The following G3BP2 variants were observed in gnomAD, a reference collection of about 807,000 sequenced individuals.
G3BP2 encodes the protein ras GTPase-activating protein-binding protein 2.
G3BP2 carries 11 observed loss-of-function variants against 56.7 expected under a neutral mutation model. The observed-to-expected ratio is 0.19, with a 90% CI of 0.12 to 0.32. The LOEUF (loss-of-function observed/expected upper bound fraction) is 0.32. G3BP2 is among the 10% of genes least tolerant of loss of function. The probability of loss-of-function intolerance (pLI) is 1.00; values close to 1 mark genes in which losing one functional copy is unlikely to be tolerated. For synonymous variants in G3BP2, 165 were observed against 191.6 expected, an observed-to-expected ratio of 0.86 and a Z score of 1.15; for missense variants, 340 against 610.9, an observed-to-expected ratio of 0.56 and a Z score of 4.67.
At chr4:75,694,797 C>T in intron 3 of G3BP2, 1 of 985,704 alleles carries the variant, frequency 1.0e-6, no homozygotes, top group Non-Finnish European at 1.2e-6. Flanking sequence ...TTATACCTTA[C>T]CAAGTTCCAG....
chr4:75,709,029 G>A (rs971999692), intron 3 of G3BP2, among the ~76,000 whole-genome samples: 1 of 152,064 alleles, frequency 6.6e-6, no homozygotes, highest in Non-Finnish European at 1.5e-5. Context: ...AGAATAACCT[G>A]AGTCCAGGAG....
upstream of G3BP2, among the ~76,000 whole-genome samples, chr4:75,674,719 T>TATA (rs57822618): frequency 0.012 from 631 of 50,714 alleles, 7 homozygotes; most frequent in East Asian, 0.042. Flanking sequence ...TATATATATA[T>TATA]TTTTTTTTTT....
intron 3 of G3BP2, among the ~76,000 whole-genome samples, chr4:75,679,143 C>A (rs1464673368): frequency 1.3e-5 from 2 of 152,206 alleles, no homozygotes; most frequent in Admixed American, 1.3e-4. Flanking sequence ...CTGACTCATG[C>A]CACTACACCA....
chr4:75,663,704 A>T (rs1425848322), intron 1 of G3BP2, among the ~76,000 whole-genome samples: 1 of 151,656 alleles, frequency 6.6e-6, no homozygotes, highest in South Asian at 2.1e-4. Context: ...TACTAAAAAT[A>T]AAAAAATTAG....
At chr4:75,706,170 T>C (rs1719536525) in intron 3 of G3BP2, among the ~76,000 whole-genome samples, 1 of 152,188 alleles carries the variant, frequency 6.6e-6, no homozygotes, top group South Asian at 2.1e-4. Context: ...TTGGAAACTC[T>C]ACTAAGATCC....
intron 9 of G3BP2, among the ~76,000 whole-genome samples, chr4:75,648,137 C>T (rs552466369): frequency 6.6e-6 from 1 of 152,148 alleles, no homozygotes; most frequent in African/African-American, 2.4e-5. Context: ...ATCATGAGGT[C>T]AGCAGATCGA....
intron 3 of G3BP2, among the ~76,000 whole-genome samples, chr4:75,703,285 CA>C (rs990860186): frequency 6.0e-4 from 92 of 152,302 alleles, no homozygotes; most frequent in African/African-American, 2.2e-3. Context: ...AGGGCTTAAA[CA>C]GTGTCTGCAC....
In G3BP2 at chr4:75,645,434, C is replaced by T. The variant is rs767685659; in HGVS notation, c.1445G>A (p.Arg482His). 2.5e-6 allele frequency: 4 copies of T among 1,611,416 alleles called. No individual in the cohort carries two copies. The highest frequency in any genetic ancestry group is 2.2e-5 in the South Asian group (2 of 90,958). ...GACTTTGCCAACAGTGGAGCTTCAGCGACGCTGTCCTGTGAAGCGGCCCTC... is the reference window on the plus strand; with the variant it reads ...GACTTTGCCAACAGTGGAGCTTCAGTGACGCTGTCCTGTGAAGCGGCCCTC... The part of the protein sequence containing the change: ...QMEGRFTGQR[R>H] The change falls in exon 12 of 12, where the codon CGC (arginine) becomes CAC (histidine). Residue 482 changes from arginine to histidine, a missense_variant. Arg to His is a conservative substitution (Grantham distance 29). This residue lies in a region of G3BP2 where 94 missense variants were observed against 173.8 expected (regional missense o/e 0.54). Coordinates refer to ENST00000359707, the MANE Select transcript of G3BP2 (RefSeq NM_203505.3).
upstream of G3BP2, among the ~76,000 whole-genome samples, chr4:75,676,265 G>C (rs1438691082): frequency 2.0e-5 from 3 of 151,770 alleles, no homozygotes. Flanking sequence ...AGTGTGAACG[G>C]TATTCATTCG....
chr4:75,682,843 G>C (rs887091156), intron 3 of G3BP2, among the ~76,000 whole-genome samples: 3 of 152,132 alleles, frequency 2.0e-5, no homozygotes, highest in Non-Finnish European at 2.9e-5. Flanking sequence ...AGCTGGGCAT[G>C]GTGGGTGACG....
At position 75,657,749 on chromosome 4, in the gene G3BP2, G is replaced by C; in HGVS notation, c.178-19C>G. Reference sequence around the variant, plus strand: ...GTATATCCTTTATTAGGGAGGGAGGGAAAAATATAAACTCTGTGATACTGC... The same window carrying C: ...GTATATCCTTTATTAGGGAGGGAGGCAAAAATATAAACTCTGTGATACTGC... On this transcript the variant is annotated intron_variant, in intron 3 of 11. Coordinates refer to ENST00000359707, the MANE Select transcript of G3BP2 (RefSeq NM_203505.3). 11 of 1,527,274 alleles carry C rather than the reference G, an allele frequency of 7.2e-6. No homozygotes were observed. The highest frequency in any genetic ancestry group is 9.9e-6 in the Non-Finnish European group (11 of 1,107,332). The allele number at this position is 1,527,274 out of a possible 1,614,324, so 94.6% of individuals were successfully genotyped here.
intron 3 of G3BP2, among the ~76,000 whole-genome samples, chr4:75,700,383 G>A (rs13137229): frequency 0.42 from 46,438 of 110,646 alleles, 8,221 homozygotes; most frequent in African/African-American, 0.55. Context: ...GGAAAAAACC[G>A]AAATGAAAAC....
At chr4:75,705,139 C>T (rs1027547279) in intron 3 of G3BP2, among the ~76,000 whole-genome samples, 1 of 152,156 alleles carries the variant, frequency 6.6e-6, no homozygotes, top group African/African-American at 2.4e-5. Context: ...AAACCCATTG[C>T]CACACTTGGG....
intron 6 of G3BP2, among the ~76,000 whole-genome samples, 175 bp downstream of exon 6, chr4:75,655,593 T>C (rs1322806669): frequency 2.0e-5 from 3 of 152,250 alleles, no homozygotes; most frequent in Non-Finnish European, 4.4e-5. Flanking sequence ...TGTTCAATTT[T>C]TGTATTAAAT....
At chr4:75,671,527 C>T (rs541156917) in intron 1 of G3BP2, among the ~76,000 whole-genome samples, 1 of 152,264 alleles carries the variant, frequency 6.6e-6, no homozygotes, top group African/African-American at 2.4e-5. Context: ...TCTTTACCTT[C>T]TAATTTTTAT....
intron 3 of G3BP2, among the ~76,000 whole-genome samples, chr4:75,699,646 A>G (rs965767900): frequency 5.3e-5 from 8 of 152,240 alleles, no homozygotes; most frequent in African/African-American, 1.4e-4. Context: ...TTTATGAACC[A>G]TAACGTATTG....
Position 75,661,949 on chromosome 4 carries a change from G to C in G3BP2, c.77C>G (p.Ala26Gly). The C allele has an allele frequency of 6.4e-7, 1 of 1,573,474 alleles. No individual in the cohort carries two copies. The highest frequency in any genetic ancestry group is 8.7e-7 in the Non-Finnish European group (1 of 1,143,234). ...VRQYYTLLNK[A>G]PEYLHRFYGR... ...AATTTACCTGTGTAAATATTCCGGA[G>C]CTTTATTCAGCAAAGTATAATATTG... Residue 26 changes from alanine to glycine, a missense_variant, in exon 2 of 12, where the codon GCT becomes GGT. Ala to Gly is a moderately conservative substitution (Grantham distance 60). Transcript: ENST00000359707.
At chr4:75,681,783 AG>A (rs1221987049) in intron 3 of G3BP2, among the ~76,000 whole-genome samples, 1 of 149,598 alleles carries the variant, frequency 6.7e-6, no homozygotes, top group East Asian at 2.0e-4. Context: ...CAGGAGGCGG[AG>A]GTTGCAGTGA....
chr4:75,682,808 C>T (rs775278220), intron 3 of G3BP2, among the ~76,000 whole-genome samples: 2 of 151,888 alleles, frequency 1.3e-5, no homozygotes, highest in Admixed American at 6.6e-5. Context: ...GGTGAAACCC[C>T]GTGTCTACTA....
Sources: gnomAD v4.1 joint callset for allele counts (sites outside exome capture counted in the v4.1 genomes callset) on GRCh38, gnomAD v4.1.1 for gene constraint, gnomAD v4.1.1 regional missense constraint, MANE v1.5 for transcripts, NCBI Gene and HGNC (gene_info 2026-07-23, HGNC 2026-07-21) for gene names.